The following MMEL1 variants were observed in gnomAD, a reference collection of about 807,000 sequenced individuals.
The protein encoded by MMEL1 is membrane metallo-endopeptidase-like 1.
MMEL1 carries 98 observed loss-of-function variants against 117.1 expected under a neutral mutation model. The observed-to-expected ratio is 0.84, with a 90% CI of 0.71 to 0.99. The LOEUF (loss-of-function observed/expected upper bound fraction) is 0.99, where lower values mean the gene tolerates loss of function less well. Ranked by LOEUF, MMEL1 falls within the 50% of genes least tolerant of loss-of-function variation. The pLI is 0.00. For synonymous variants in MMEL1, 390 were observed against 415.1 expected (o/e 0.94, Z 0.74); for missense variants, 1,014 against 1,049.1 (o/e 0.97, Z 0.46).
chr1:2,604,413 G>A, intron 9 of MMEL1, 132 bp from the exon 10 acceptor site: 1 of 1,286,648 alleles, frequency 7.8e-7, no homozygotes, highest in Non-Finnish European at 1.1e-6. Flanking sequence ...TTGACCAGCA[G>A]GCTCTCGGGC....
At position 2,594,900 on chromosome 1, in the gene MMEL1, G is replaced by A; in HGVS notation, c.1585-7C>T. The A allele has an allele frequency of 6.2e-7, 1 of 1,610,936 alleles. No homozygotes were observed. The highest frequency in any genetic ancestry group is 8.5e-7 in the Non-Finnish European group (1 of 1,177,312). Reference sequence around the variant, plus strand: ...GGTCCTCTGAGAAGTTCAGCTACGGGAGAGGGGCAGTCACTGCCAGATGCT... The same window carrying A: ...GGTCCTCTGAGAAGTTCAGCTACGGAAGAGGGGCAGTCACTGCCAGATGCT... On this transcript the variant is annotated splice_polypyrimidine_tract_variant and splice_region_variant and intron_variant, in intron 16 of 23. Transcript: ENST00000378412.
chr1:2,601,940 C>A (rs1251574087), intron 11 of MMEL1, among the ~76,000 whole-genome samples: 1 of 152,030 alleles, frequency 6.6e-6, no homozygotes, highest in Admixed American at 6.5e-5. Context: ...GAGCGCACAT[C>A]CCTGGATAAT....
intron 8 of MMEL1, among the ~76,000 whole-genome samples, chr1:2,605,940 C>T (rs1485593578): frequency 6.6e-6 from 1 of 152,190 alleles, no homozygotes; most frequent in African/African-American, 2.4e-5. Flanking sequence ...GCCTCCAGCC[C>T]GTGGCCAGCA....
intron 2 of MMEL1, among the ~76,000 whole-genome samples, chr1:2,628,919 G>T (rs1638400494): frequency 6.6e-6 from 1 of 151,492 alleles, no homozygotes; most frequent in African/African-American, 2.4e-5. Flanking sequence ...CCCGGGCGGC[G>T]GGAGGGACAC....
Position 2,592,958 on chromosome 1 carries a change from A to C in MMEL1, c.1876T>G (p.Phe626Val). 3 of 1,613,402 alleles carry C rather than the reference A, an allele frequency of 1.9e-6. No individual in the cohort carries two copies. The highest frequency in any genetic ancestry group is 2.5e-6 in the Non-Finnish European group (3 of 1,179,868). ...TCCATCATGTTGCCATTCTTGTCGA[A>C]GTTCCGGCCTGGGCAGGGGCAGAGG... is the stretch of plus-strand genomic sequence containing the variant. Reference protein sequence around the residue: ...THGFDDNGRNFDKNGNMMDWW... With the variant: ...THGFDDNGRNVDKNGNMMDWW... Residue 626 changes from phenylalanine to valine, a missense_variant, in exon 20 of 24, where the codon TTC (phenylalanine) becomes GTC (valine). Coordinates refer to ENST00000378412, the MANE Select transcript of MMEL1 (RefSeq NM_033467.4).
At chr1:2,599,149 C>T (rs953875172) in intron 11 of MMEL1, among the ~76,000 whole-genome samples, 2 of 152,210 alleles carry the variant, frequency 1.3e-5, no homozygotes, top group Admixed American at 6.5e-5. Context: ...TTTGGCTTCA[C>T]CAGTGGATTC....
At chr1:2,604,389 C>T (rs953343574) in intron 9 of MMEL1, 108 bp from the exon 10 acceptor site, 10 of 1,443,764 alleles carry the variant, frequency 6.9e-6, no homozygotes, top group African/African-American at 4.3e-5. Flanking sequence ...GCCCCTAATG[C>T]GTGTCCACCC....
chr1:2,606,701 C>T (rs1323276856), intron 7 of MMEL1, among the ~76,000 whole-genome samples: 3 of 152,126 alleles, frequency 2.0e-5, no homozygotes, highest in African/African-American at 4.8e-5. Flanking sequence ...CTGGCTGGGG[C>T]CTGAGTGTCG....
chr1:2,621,218 G>A (rs1326857117), intron 2 of MMEL1, among the ~76,000 whole-genome samples: 1 of 152,200 alleles, frequency 6.6e-6, no homozygotes, highest in Admixed American at 6.5e-5. Context: ...CCAGGAGGTT[G>A]AGGCTGCAGT....
In MMEL1 at chr1:2,595,906, G is replaced by A. The variant is rs1256805458; in HGVS notation, c.1500+103C>T. On this transcript the variant is annotated intron_variant, in intron 15 of 23. Coordinates refer to ENST00000378412, the MANE Select transcript of MMEL1 (RefSeq NM_033467.4). The surrounding 1 kb of genome is among the most constrained non-coding windows in gnomAD (Gnocchi z 4.8). Reference sequence around the variant, plus strand: ...CGTGGGGTCCTGTCTGCGCCTCCCGGGGCTGCCTTCTCCCCGTGGGGACCG... The same window carrying A: ...CGTGGGGTCCTGTCTGCGCCTCCCGAGGCTGCCTTCTCCCCGTGGGGACCG... 5 of 928,856 alleles carry A rather than the reference G, an allele frequency of 5.4e-6. No individual in the cohort carries two copies. In the African/African-American group the frequency reaches 6.9e-5, roughly 13 times the overall value. 57.5% of individuals were successfully genotyped at this position (928,856 alleles called of 1,614,324 possible). A position where few individuals can be genotyped will look rare whatever the true frequency, so the allele number is the denominator to read the frequency against.
intron 11 of MMEL1, among the ~76,000 whole-genome samples, chr1:2,603,634 AG>A (rs1228670356): frequency 7.4e-6 from 1 of 134,758 alleles, no homozygotes; most frequent in East Asian, 2.3e-4. Flanking sequence ...GGGCCATCAC[AG>A]CACCGCACAG....
intron 6 of MMEL1, 54 bp downstream of exon 6, chr1:2,609,285 G>A: frequency 1.3e-6 from 2 of 1,556,302 alleles, no homozygotes; most frequent in Admixed American, 1.8e-5. Flanking sequence ...GCCCTGGCAG[G>A]GGCAGCCCGC....
chr1:2,611,265 A>G lies in MMEL1; in HGVS notation c.292+16T>C, dbSNP rs1028103970. 5.7e-6 allele frequency: 9 copies of G among 1,573,710 alleles called. No individual in the cohort carries two copies. The Admixed American group carries it at 1.6e-4, about 29-fold the overall frequency. On this transcript the variant is annotated intron_variant, in intron 4 of 23. Coordinates refer to ENST00000378412, the MANE Select transcript of MMEL1 (RefSeq NM_033467.4). Reference sequence around the variant, plus strand: ...GCCCTTGGGCAGGCTGTGGACGGCAAGGGGGCGGGGCTTACCTGCTATCAC... The same window carrying G: ...GCCCTTGGGCAGGCTGTGGACGGCAGGGGGGCGGGGCTTACCTGCTATCAC...
chr1:2,607,056 C>T lies in MMEL1; in HGVS notation c.549G>A (p.Lys183=). Residue 183 remains lysine, a synonymous_variant, in exon 7 of 24, where the codon AAG becomes AAA. Coordinates refer to ENST00000378412, the MANE Select transcript of MMEL1 (RefSeq NM_033467.4). ...TGTCCAGCAGGGGCTGAGAGCCTCG[C>T]TTCTCTATCACACCTGAGAAGGGAC... ...RSCMNQSVIE[K]RGSQPLLDIL... is the part of the protein sequence containing the mutation. 6.2e-7 allele frequency: 1 copy of T among 1,613,172 alleles called. No individual in the cohort carries two copies. Among genetic ancestry groups the T allele is most frequent in the Non-Finnish European group, 8.5e-7 (1 of 1,179,950 alleles).
At chr1:2,616,997 G>GT (rs1169822330) in intron 2 of MMEL1, among the ~76,000 whole-genome samples, 1 of 152,174 alleles carries the variant, frequency 6.6e-6, no homozygotes, top group Non-Finnish European at 1.5e-5. Context: ...AGCTAGGCAT[G>GT]TTTTTTCCGT....
chr1:2,604,336 G>T lies in MMEL1; in HGVS notation c.817-55C>A, dbSNP rs896265445. On this transcript the variant is annotated intron_variant, in intron 9 of 23. Transcript: ENST00000378412. ...GTGGCCTCAGCCACCATGGCCCCCA[G>T]GGAGTTTTCTGTGGGGGTGGGGTGG... is the stretch of plus-strand genomic sequence containing the variant. 37 of 1,597,096 alleles carry T rather than the reference G, an allele frequency of 2.3e-5. No homozygotes were observed. In the East Asian group the frequency reaches 8.3e-4, roughly 36 times the overall value.
chr1:2,613,007 G>A (rs1645153310), intron 2 of MMEL1, among the ~76,000 whole-genome samples: 1 of 152,152 alleles, frequency 6.6e-6, no homozygotes, highest in Non-Finnish European at 1.5e-5. Context: ...GCCTAGCCCT[G>A]GGCAGAGACT....
At position 2,595,450 on chromosome 1, in the gene MMEL1, G is replaced by A. The variant is rs1212785100; in HGVS notation, c.1501-91C>T. 3.7e-6 allele frequency: 4 copies of A among 1,095,182 alleles called. No individual in the cohort carries two copies. The African/African-American group carries it at 6.2e-5, about 17-fold the overall frequency. 67.8% of individuals were successfully genotyped at this position (1,095,182 alleles called of 1,614,324 possible). ...TCAGTGAGTGCCACACTGTGGGAGG[G>A]GTCAGCCCGGGGCATCCTGGCTGTG... On this transcript the variant is annotated intron_variant, in intron 15 of 23. Transcript: ENST00000378412. The surrounding 1 kb of genome is among the most constrained non-coding windows in gnomAD (Gnocchi z 4.8).
intron 1 of MMEL1, among the ~76,000 whole-genome samples, chr1:2,630,927 TTGTGTGCGTGGATATGCACG>T (rs1638544595): frequency 6.7e-6 from 1 of 150,112 alleles, no homozygotes; most frequent in Non-Finnish European, 1.5e-5. Flanking sequence ...ATGTGCATGA[TTGTGTGCGTGGATATGCACG>T]TGTGTGCGTG....
Sources: gnomAD v4.1 joint callset for allele counts (sites outside exome capture counted in the v4.1 genomes callset) on GRCh38, gnomAD v4.1.1 for gene constraint, Gnocchi (gnomAD v3.1) non-coding constraint, MANE v1.5 for transcripts, NCBI Gene and HGNC (gene_info 2026-07-23, HGNC 2026-07-21) for gene names.